Variants in CHD4 observed in about 807,000 individuals in gnomAD.
The protein encoded by CHD4 is ATP-dependent chromatin remodeler CHD4.
Under a neutral mutation model 235.5 loss-of-function variants are expected in CHD4, and 35 were observed. That is an observed-to-expected ratio of 0.15 (90% CI 0.11 to 0.20). CHD4 has a LOEUF of 0.20. Among genes scored for constraint, CHD4 ranks in the 10% least tolerant of loss-of-function variants. CHD4 has a pLI of 1.00. For synonymous variants in CHD4, 900 were observed against 850.2 expected (o/e 1.06, Z -1.02); for missense variants, 1,329 against 2,432.3 (o/e 0.55, Z 9.54).
chr12:6,585,725 G>A (rs536927514), intron 25 of CHD4, among the ~76,000 whole-genome samples: 143 of 150,910 alleles, frequency 9.5e-4, no homozygotes, highest in African/African-American at 3.3e-3. Flanking sequence ...GGAGGCGGAG[G>A]TTGCAGTGAG....
At chr12:6,600,870 C>G in intron 7 of CHD4, 56 bp downstream of exon 7, 3 of 1,529,040 alleles carry the variant, frequency 2.0e-6, no homozygotes, top group Non-Finnish European at 2.6e-6. Flanking sequence ...GATAGAAGGT[C>G]ACATCCTTTC....
chr12:6,594,594 C>T lies in CHD4; in HGVS notation c.2178G>A (p.Leu726=). ...PEYLDATGGT[L]HPYQMEGLNW... ...TCAGGCCCTCCATTTGATAGGGGTG[C>T]AGGGTTCCACCTGTAGCATCCAGGT... is the stretch of plus-strand genomic sequence containing the variant. Residue 726 remains leucine (L), a synonymous_variant, in exon 15 of 40, where the codon CTG becomes CTA. Transcript: ENST00000544040. 1.2e-6 allele frequency: 2 copies of T among 1,614,166 alleles called. No homozygotes were observed. Among genetic ancestry groups the T allele is most frequent in the East Asian group, 2.2e-5 (1 of 44,874 alleles).
chr12:6,573,280 G>C lies in CHD4; in HGVS notation c.5362-11C>G, dbSNP rs779107447. 1.3e-6 allele frequency: 2 copies of C among 1,535,510 alleles called. No individual in the cohort carries two copies. The highest frequency in any genetic ancestry group is 2.4e-5 in the East Asian group (1 of 40,962). On this transcript the variant is annotated splice_polypyrimidine_tract_variant and intron_variant, in intron 37 of 39. Transcript: ENST00000544040. Reference sequence around the variant, plus strand: ...AGCTTGTTCTAAGAGCTGGACAAGGGATAAGAGGAAACGGGAGTTCGACTG... The same window carrying C: ...AGCTTGTTCTAAGAGCTGGACAAGGCATAAGAGGAAACGGGAGTTCGACTG...
Position 6,596,591 on chromosome 12 carries a change from G to T in CHD4, c.1893-454C>A, listed in dbSNP as rs1303621912. On this transcript the variant is annotated intron_variant, in intron 12 of 39. Coordinates refer to ENST00000544040, the MANE Select transcript of CHD4 (RefSeq NM_001273.5). ...AAGGCAGGCGGATCACCTGAGGTCG[G>T]GAGTTCAAGACCAGTCTGGCCAGCA... Among the ~76,000 whole-genome samples, 3 of 151,600 alleles carry T rather than the reference G, an allele frequency of 2.0e-5. 1 individual carries two copies. Among genetic ancestry groups the T allele is most frequent in the Non-Finnish European group, 4.4e-5 (3 of 67,866 alleles).
At chr12:6,599,697 C>A in intron 10 of CHD4, 76 bp downstream of exon 10, 3 of 1,579,900 alleles carry the variant, frequency 1.9e-6, no homozygotes, top group Admixed American at 3.4e-5. Flanking sequence ...CTCTCCTGCA[C>A]CCCAGCCTCA....
rs1948192528 is a variant in CHD4, at chr12:6,581,656, T to C, written c.4674A>G (p.Pro1558=). ...DTQPNTPAPV[P]PAEDGIKIEE... Reference sequence around the variant, plus strand: ...TAGGACAGGCAGACTTACCAGCAGGTGGGACAGGTGCAGGAGTGTTGGGCT... The same window carrying C: ...TAGGACAGGCAGACTTACCAGCAGGCGGGACAGGTGCAGGAGTGTTGGGCT... The change falls in exon 31 of 40, where the codon CCA becomes CCG. Residue 1558 remains proline (P), a synonymous_variant. Transcript: ENST00000544040. The C allele has an allele frequency of 6.2e-7, 1 of 1,613,622 alleles. No individual in the cohort carries two copies. Among genetic ancestry groups the C allele is most frequent in the Non-Finnish European group, 8.5e-7 (1 of 1,179,694 alleles).
In CHD4 at chr12:6,570,531, C is replaced by T. The variant is rs1430126065; in HGVS notation, c.*145G>A. ...ACTGCCCCTCACTCCCTCCCCTCCC[C>T]CAGTGCACTGGGGCTGTTCCTTTAC... On this transcript the variant is annotated 3_prime_UTR_variant, in exon 40 of 40. Transcript: ENST00000544040. 6.4e-6 allele frequency: 6 copies of T among 942,338 alleles called. No individual in the cohort carries two copies. Among genetic ancestry groups the T allele is most frequent in the Non-Finnish European group, 8.2e-6 (5 of 613,436 alleles). 58.4% of individuals were successfully genotyped at this position (942,338 alleles called of 1,614,324 possible).
intron 39 of CHD4, 82 bp from the exon 40 acceptor site, chr12:6,570,775 C>T: frequency 6.2e-7 from 1 of 1,611,762 alleles, no homozygotes; most frequent in South Asian, 1.1e-5. Flanking sequence ...ATAGGCCACC[C>T]ACCCAGTATG....
intron 2 of CHD4, 49 bp downstream of exon 2, chr12:6,606,225 G>C (rs1489005195): frequency 7.9e-7 from 1 of 1,267,390 alleles, no homozygotes. Flanking sequence ...TCACTCGGGA[G>C]AGCCCCAGAT....
chr12:6,601,867 A>T, intron 4 of CHD4, 93 bp downstream of exon 4: 6 of 1,565,950 alleles, frequency 3.8e-6, no homozygotes, highest in Non-Finnish European at 4.4e-6. Context: ...TAAGAGGAAA[A>T]GAAGAGAAAG....
At chr12:6,578,310 CAGAGGTAA>C (rs1476480108) in intron 35 of CHD4, 91 bp downstream of exon 35, 11 of 1,471,718 alleles carry the variant, frequency 7.5e-6, no homozygotes, top group East Asian at 4.5e-5. Context: ...CCTCATCAAA[CAGAGGTAA>C]AGAGGTAAAG....
chr12:6,577,954 AAG>A (rs769305848), intron 36 of CHD4, 37 bp from the exon 37 acceptor site: 38 of 1,612,698 alleles, frequency 2.4e-5, no homozygotes, highest in Admixed American at 3.3e-5. Context: ...AAAACAAGGA[AAG>A]TAAGAACCTC....
chr12:6,578,124 A>G lies in CHD4; in HGVS notation c.5133T>C (p.Leu1711=). Reference sequence around the variant, plus strand: ...TGGCTGCCCGCTCTTCATTCTGCCAAAGGGAGTGCAACTCTGAGGAGGAAT... The same window carrying G: ...TGGCTGCCCGCTCTTCATTCTGCCAGAGGGAGTGCAACTCTGAGGAGGAAT... The part of the protein sequence containing the change: ...ADGGFTELHS[L]WQNEERAATV... The change falls in exon 36 of 40, where the codon CTT becomes CTC. Residue 1711 remains leucine, a synonymous_variant. Transcript: ENST00000544040. 6.2e-7 allele frequency: 1 copy of G among 1,612,638 alleles called. No homozygotes were observed. Among genetic ancestry groups the G allele is most frequent in the Non-Finnish European group, 8.5e-7 (1 of 1,179,976 alleles).
At chr12:6,602,639 G>T in intron 2 of CHD4, 142 bp from the exon 3 acceptor site, 1 of 1,144,922 alleles carries the variant, frequency 8.7e-7, no homozygotes, top group South Asian at 1.5e-5. Flanking sequence ...TGTACAGGAG[G>T]AAGCTGATAC....
chr12:6,581,029 T>C lies in CHD4; in HGVS notation c.4909+15A>G. 1.4e-5 allele frequency: 23 copies of C among 1,610,420 alleles called. No homozygotes were observed. Among genetic ancestry groups the C allele is most frequent in the Non-Finnish European group, 1.9e-5 (22 of 1,179,106 alleles). ...AAAACAAACAAACAAACAAAAAAAA[T>C]GTGGATACCTTTACCTTTGGGCTCT... On this transcript the variant is annotated intron_variant, in intron 33 of 39. Coordinates refer to ENST00000544040, the MANE Select transcript of CHD4 (RefSeq NM_001273.5).
rs571716589 is a variant in CHD4 at position 6,576,941 on chromosome 12, CTTT to C, written c.5361+841_5361+843del. ...TCAGCGTACGAGACAACAGACACGT[CTTT>C]TTTTTTTTTTGAGACAGAGTCTCAC... On this transcript the variant is annotated intron_variant, in intron 37 of 39. Transcript: ENST00000544040. Among the ~76,000 whole-genome samples, 6 of 146,710 alleles carry C rather than the reference CTTT, an allele frequency of 4.1e-5. No homozygotes were observed. The South Asian group carries it at 1.3e-3, about 31-fold the overall frequency.
intron 37 of CHD4, among the ~76,000 whole-genome samples, chr12:6,576,146 CAA>C (rs1279772906): frequency 6.6e-6 from 1 of 151,904 alleles, no homozygotes; most frequent in Non-Finnish European, 1.5e-5. Flanking sequence ...AACATGAGGT[CAA>C]GAGATCGAGA....
chr12:6,606,381 C>T lies in CHD4; in HGVS notation c.-8G>A, dbSNP rs766852506. On this transcript the variant is annotated 5_prime_UTR_variant, in exon 2 of 40. Coordinates refer to ENST00000544040, the MANE Select transcript of CHD4 (RefSeq NM_001273.5). ...GCCCAGGCCCGACGCCATCCCCTTC[C>T]GCTCCCGGCCAGGGAATTGGCCCAG... The T allele has an allele frequency of 1.8e-5, 28 of 1,564,674 alleles. No individual in the cohort carries two copies. Among genetic ancestry groups the T allele is most frequent in the Non-Finnish European group, 2.0e-5 (23 of 1,158,172 alleles).
chr12:6,578,211 C>A (rs1302087852), intron 35 of CHD4, 74 bp from the exon 36 acceptor site: 1 of 1,433,800 alleles, frequency 7.0e-7, no homozygotes, highest in South Asian at 1.1e-5. Context: ...GCTACTTATT[C>A]TTGTCCCCCA....
Sources: gnomAD v4.1 joint callset for allele counts (sites outside exome capture counted in the v4.1 genomes callset) on GRCh38, gnomAD v4.1.1 for gene constraint, MANE v1.5 for transcripts, NCBI Gene and HGNC (gene_info 2026-07-23, HGNC 2026-07-21) for gene names.